RAF1: variants seen among roughly 807,000 people sequenced by gnomAD.
RAF1 encodes the protein Raf-1 proto-oncogene, serine/threonine kinase.
Under a neutral mutation model 81.1 loss-of-function variants are expected in RAF1, and 27 were observed. The ratio of observed to expected loss-of-function variants is 0.33; its 90% CI spans 0.25 to 0.46. RAF1 has a LOEUF of 0.46. Ranked by LOEUF, RAF1 falls within the 20% of genes least tolerant of loss-of-function variation. The pLI is 1.00. For synonymous variants in RAF1, 298 were observed against 294.0 expected, an observed-to-expected ratio of 1.01 and a Z score of -0.14; for missense variants, 598 against 826.0, an observed-to-expected ratio of 0.72 and a Z score of 3.38.
intron 1 of RAF1, among the ~76,000 whole-genome samples, chr3:12,647,536 G>GT (rs1006889033): frequency 6.6e-6 from 1 of 152,078 alleles, no homozygotes; most frequent in African/African-American, 2.4e-5. Flanking sequence ...CCAGGTTGCA[G>GT]TGAGCCATGA....
intron 1 of RAF1, among the ~76,000 whole-genome samples, chr3:12,659,457 A>C (rs917838425): frequency 6.6e-6 from 1 of 150,678 alleles, no homozygotes; most frequent in Non-Finnish European, 1.5e-5. Context: ...TACACGCAAG[A>C]TAAGTTAGCC....
chr3:12,607,343 C>G (rs921260116), intron 5 of RAF1, among the ~76,000 whole-genome samples: 1 of 152,112 alleles, frequency 6.6e-6, no homozygotes, highest in Non-Finnish European at 1.5e-5. Context: ...TGACATATGT[C>G]TGTTAGACTC....
chr3:12,596,817 G>T (rs1444983985), intron 11 of RAF1, among the ~76,000 whole-genome samples: 1 of 152,002 alleles, frequency 6.6e-6, no homozygotes, highest in Non-Finnish European at 1.5e-5. Context: ...ATAGACCAGA[G>T]CTTGCTTTCT....
At chr3:12,624,553 T>A (rs1167786123) in intron 1 of RAF1, among the ~76,000 whole-genome samples, 3 of 152,058 alleles carry the variant, frequency 2.0e-5, no homozygotes, top group African/African-American at 7.3e-5. Context: ...TACACACACA[T>A]CCTAGACACA....
At chr3:12,656,441 C>T (rs897284114) in intron 1 of RAF1, among the ~76,000 whole-genome samples, 4 of 152,078 alleles carry the variant, frequency 2.6e-5, no homozygotes, top group Non-Finnish European at 4.4e-5. Flanking sequence ...AACTTACCTC[C>T]TCCAACAGAC....
intron 3 of RAF1, among the ~76,000 whole-genome samples, chr3:12,611,255 CA>C (rs1191208383): frequency 7.2e-5 from 11 of 151,846 alleles, no homozygotes; most frequent in African/African-American, 2.4e-4. Flanking sequence ...GATCTTGCTC[CA>C]GCCCAGGCTG....
chr3:12,660,035 C>A (rs184201052), intron 1 of RAF1, among the ~76,000 whole-genome samples: 1 of 152,090 alleles, frequency 6.6e-6, no homozygotes, highest in African/African-American at 2.4e-5. Context: ...TTTTTTATTT[C>A]GTAAATAATC....
At chr3:12,587,441 A>T in intron 14 of RAF1, 150 bp downstream of exon 13, 1 of 803,238 alleles carries the variant, frequency 1.2e-6, no homozygotes, top group Non-Finnish European at 2.2e-6. Context: ...AAGCCTACTA[A>T]TTTTCTGACT....
intron 1 of RAF1, among the ~76,000 whole-genome samples, chr3:12,644,553 T>C (rs1368866127): frequency 6.6e-6 from 1 of 152,164 alleles, no homozygotes; most frequent in Non-Finnish European, 1.5e-5. Context: ...CTGGACAAAC[T>C]TAGGGTTAAG....
chr3:12,589,386 C>A (rs988485560), intron 13 of RAF1: 2 of 152,158 alleles, frequency 1.3e-5, no homozygotes, highest in African/African-American at 4.8e-5. Context: ...AAGGCAACTT[C>A]CATATGAATT....
Position 12,655,001 on chromosome 3 carries a change from C to CCA in RAF1, c.-27+8811_-27+8812insTG, listed in dbSNP as rs1553624721. The stretch of plus-strand genomic sequence containing the variant: ...GACCAACCTGGTAAACATAGTGAGA[C>CCA]CCCCCCCCCGCCATCTCTAAAATAG... On this transcript the variant is annotated intron_variant, in intron 1 of 17. Coordinates refer to ENST00000442415, the MANE Select transcript of RAF1 (RefSeq NM_001354689.3). Among the ~76,000 whole-genome samples the CCA allele has an allele frequency of 8.6e-5, 4 of 46,686 alleles. No individual in the cohort carries two copies. In the South Asian group the frequency reaches 5.8e-3, roughly 68 times the overall value. 30.6% of individuals were successfully genotyped at this position (46,686 alleles called of 152,430 possible).
intron 1 of RAF1, among the ~76,000 whole-genome samples, chr3:12,659,007 A>T (rs1408480596): frequency 2.6e-5 from 4 of 152,222 alleles, no homozygotes; most frequent in South Asian, 2.1e-4. Context: ...GAGCTACGCA[A>T]GTCATTCTGG....
chr3:12,586,065 A>G (rs1032759602), intron 14 of RAF1, among the ~76,000 whole-genome samples: 1 of 152,158 alleles, frequency 6.6e-6, no homozygotes, highest in Non-Finnish European at 1.5e-5. Flanking sequence ...TCTTCTCCCC[A>G]TTTGCACATC....
At chr3:12,615,214 A>G (rs2059337692) in intron 2 of RAF1, among the ~76,000 whole-genome samples, 1 of 152,228 alleles carries the variant, frequency 6.6e-6, no homozygotes, top group Admixed American at 6.5e-5. Flanking sequence ...GCTCCAGTCA[A>G]TCACTTATCT....
At chr3:12,617,806 T>C (rs2059420327) in intron 2 of RAF1, among the ~76,000 whole-genome samples, 2 of 143,158 alleles carry the variant, frequency 1.4e-5, no homozygotes, top group Admixed American at 7.4e-5. Flanking sequence ...GGCAGGAGAA[T>C]CACTTCAACC....
intron 1 of RAF1, among the ~76,000 whole-genome samples, chr3:12,629,594 TG>T (rs1335234915): frequency 6.6e-6 from 1 of 152,148 alleles, no homozygotes; most frequent in East Asian, 1.9e-4. Context: ...CAAGGTTACA[TG>T]GTATTCAGAA....
At position 12,640,648 on chromosome 3, in the gene RAF1, T is replaced by A. The variant is rs982000566; in HGVS notation, c.-26-21901A>T. On this transcript the variant is annotated intron_variant, in intron 1 of 17. Transcript: ENST00000442415. ...TCACTGGCCATCAGAGAAATGCAAA[T>A]CAAAACCACAATGACATACCATCTC... Among the ~76,000 whole-genome samples the A allele has an allele frequency of 1.4e-4, 22 of 152,084 alleles. 1 individual carries two copies. In the South Asian group the frequency reaches 3.9e-3, roughly 27 times the overall value.
rs1170758613 is a variant in RAF1, at chr3:12,612,047, C to T, written c.223G>A (p.Gly75Arg). ...ATAAGGCAGTCATGCAAGCTCATTCCATTTCGCACATTGACCTACAAACAA... is the reference window on the plus strand; with the variant it reads ...ATAAGGCAGTCATGCAAGCTCATTCTATTTCGCACATTGACCTACAAACAA... Residue 75 changes from glycine to arginine, a missense_variant, in exon 3 of 18, where the codon GGA becomes AGA. By Grantham distance (125) the Gly-to-Arg change is moderately radical. Around this residue, in one of 5 missense-constraint regions of RAF1, gnomAD observed 89 missense variants for 169.2 expected, o/e 0.53. Transcript: ENST00000442415. 1.2e-6 allele frequency: 2 copies of T among 1,614,124 alleles called. No individual in the cohort carries two copies. The highest frequency in any genetic ancestry group is 2.2e-5 in the South Asian group (2 of 91,084).
intron 1 of RAF1, among the ~76,000 whole-genome samples, chr3:12,635,706 G>C (rs1173403054): frequency 6.6e-6 from 1 of 150,884 alleles, no homozygotes; most frequent in African/African-American, 2.4e-5. Flanking sequence ...GGGCGCGGTG[G>C]CTCACGCCTG....
Sources: gnomAD v4.1 joint callset for allele counts (sites outside exome capture counted in the v4.1 genomes callset) on GRCh38, gnomAD v4.1.1 for gene constraint, gnomAD v4.1.1 regional missense constraint, MANE v1.5 for transcripts, NCBI Gene and HGNC (gene_info 2026-07-23, HGNC 2026-07-21) for gene names.